NWD2: variants seen among roughly 807,000 people sequenced by gnomAD.
NWD2 encodes the protein NACHT and WD repeat domain containing 2, also known as NACHT and WD repeat domain-containing protein 2.
A neutral mutation model predicts 132.7 loss-of-function variants in NWD2; 37 were observed. The ratio of observed to expected loss-of-function variants is 0.28; its 90% CI spans 0.21 to 0.37. NWD2 has a LOEUF of 0.37. NWD2 is among the 10% of genes least tolerant of loss of function. The pLI, the probability that NWD2 is intolerant of heterozygous loss-of-function variation, is 1.00. For synonymous variants in NWD2, 705 were observed against 803.0 expected (o/e 0.88, Z 2.06); for missense variants, 1,592 against 2,122.4 (o/e 0.75, Z 4.91).
intron 1 of NWD2, among the ~76,000 whole-genome samples, chr4:37,245,463 A>C (rs1717219381): frequency 6.6e-6 from 1 of 151,618 alleles, no homozygotes; most frequent in Non-Finnish European, 1.5e-5. Context: ...CCCCTGGGTC[A>C]ATCCAAGAAA....
chr4:37,306,923 C>G (rs1718721000), intron 1 of NWD2, among the ~76,000 whole-genome samples: 1 of 151,734 alleles, frequency 6.6e-6, no homozygotes, highest in African/African-American at 2.4e-5. Context: ...ACTCGGAAGG[C>G]TGAGGCAGGA....
chr4:37,389,084 C>A (rs1720631557), intron 3 of NWD2, among the ~76,000 whole-genome samples: 1 of 152,126 alleles, frequency 6.6e-6, no homozygotes. Flanking sequence ...TCAAGAAACA[C>A]CCCTCTGAGA....
In NWD2 at chr4:37,276,175, G is replaced by A. The variant is rs191725297; in HGVS notation, c.151+30957G>A. The stretch of plus-strand genomic sequence containing the variant: ...GAGTGAACAGGCAACCTACAGAATG[G>A]GAGAAAATTTTTGCAATCTACTCAT... On this transcript the variant is annotated intron_variant, in intron 1 of 6. Coordinates refer to ENST00000309447, the MANE Select transcript of NWD2 (RefSeq NM_001144990.2). Among the ~76,000 whole-genome samples the A allele has an allele frequency of 4.6e-3, 701 of 152,178 alleles. 1 individual carries two copies. The highest frequency in any genetic ancestry group is 6.5e-3 in the Non-Finnish European group (442 of 68,008).
At chr4:37,293,224 T>C (rs953486930) in intron 1 of NWD2, among the ~76,000 whole-genome samples, 7 of 152,162 alleles carry the variant, frequency 4.6e-5, no homozygotes, top group African/African-American at 1.7e-4. Context: ...ACTTTCTCTT[T>C]CTCCATTAAA....
At position 37,444,180 on chromosome 4, in the gene NWD2, T is replaced by G; in HGVS notation, c.2192T>G (p.Val731Gly). The change falls in exon 7 of 7, where the codon GTC becomes GGC. Residue 731 changes from valine to glycine, a missense_variant. Around this residue, in one of 7 missense-constraint regions of NWD2, gnomAD observed 1,071 missense variants for 1,398.0 expected, o/e 0.77. Coordinates refer to ENST00000309447, the MANE Select transcript of NWD2 (RefSeq NM_001144990.2). The surrounding 1 kb of genome is among the most constrained non-coding windows in gnomAD (Gnocchi z 4.8). ...CATGTGAAAAATGTCACACTCCTAG[T>G]CTGGGCCAACAGACACCTGCAGCTC... ...ERHVKNVTLLVWANRHLQLIA... is the reference protein window; with the variant it reads ...ERHVKNVTLLGWANRHLQLIA... 6.4e-7 allele frequency: 1 copy of G among 1,551,670 alleles called. No individual in the cohort carries two copies. Among genetic ancestry groups the G allele is most frequent in the Non-Finnish European group, 8.7e-7 (1 of 1,146,978 alleles).
In NWD2 at chr4:37,448,946, G is replaced by A. The variant is rs929089258; in HGVS notation, c.*1729G>A. 6.6e-6 allele frequency: 1 copy of A among 152,192 alleles called. No individual in the cohort carries two copies. The highest frequency in any genetic ancestry group is 1.5e-5 in the Non-Finnish European group (1 of 68,030). The allele number at this position is 152,192 out of a possible 1,614,324, so 9.4% of individuals were successfully genotyped here. Reference sequence around the variant, plus strand: ...TTAACATGTAAGCGTTCAAAGATGTGATTCAGATAAAAATACCCAGGTCCA... The same window carrying A: ...TTAACATGTAAGCGTTCAAAGATGTAATTCAGATAAAAATACCCAGGTCCA... On this transcript the variant is annotated 3_prime_UTR_variant, in exon 7 of 7. Coordinates refer to ENST00000309447, the MANE Select transcript of NWD2 (RefSeq NM_001144990.2).
chr4:37,280,691 A>G (rs1718109690), intron 1 of NWD2, among the ~76,000 whole-genome samples: 1 of 152,158 alleles, frequency 6.6e-6, no homozygotes, highest in African/African-American at 2.4e-5. Context: ...GGGGACTGTC[A>G]GCAAAGCCCT....
chr4:37,340,542 G>T (rs1409823958), intron 2 of NWD2, among the ~76,000 whole-genome samples: 1 of 152,180 alleles, frequency 6.6e-6, no homozygotes, highest in Admixed American at 6.5e-5. Context: ...GACCAGGGTG[G>T]TGCTTGCAGC....
At position 37,380,944 on chromosome 4, in the gene NWD2, G is replaced by A. The variant is rs542040141; in HGVS notation, c.357+24462G>A. ...CTCTTCTTTCTCCTGCTTAAATTCA[G>A]AACCAGTTGAAAGGTGGTTGCAGGA... On this transcript the variant is annotated intron_variant, in intron 3 of 6. Coordinates refer to ENST00000309447, the MANE Select transcript of NWD2 (RefSeq NM_001144990.2). Among the ~76,000 whole-genome samples, 11 of 152,284 alleles carry A rather than the reference G, an allele frequency of 7.2e-5. 1 individual carries two copies. The East Asian group carries it at 2.1e-3, about 29-fold the overall frequency.
At chr4:37,423,386 G>T (rs943705592) in intron 3 of NWD2, among the ~76,000 whole-genome samples, 3 of 152,090 alleles carry the variant, frequency 2.0e-5, no homozygotes, top group African/African-American at 7.2e-5. Context: ...ATATATAGAT[G>T]ACTTATTATA....
At chr4:37,389,062 A>G (rs1005181062) in intron 3 of NWD2, among the ~76,000 whole-genome samples, 3 of 152,232 alleles carry the variant, frequency 2.0e-5, no homozygotes, top group Non-Finnish European at 4.4e-5. Context: ...CTGGGGCTGC[A>G]ATGACAGATG....
intron 5 of NWD2, among the ~76,000 whole-genome samples, chr4:37,436,672 G>A (rs951877384): frequency 5.9e-5 from 9 of 152,022 alleles, no homozygotes; most frequent in African/African-American, 1.9e-4. Flanking sequence ...CAGTTTGACC[G>A]CTTCCTTTCT....
chr4:37,319,039 T>G (rs191526775), intron 1 of NWD2, among the ~76,000 whole-genome samples: 65 of 152,362 alleles, frequency 4.3e-4, no homozygotes, highest in African/African-American at 1.4e-3. Flanking sequence ...TTTTACATTT[T>G]TTGAGAAATC....
At chr4:37,288,875 G>C (rs891920118) in intron 1 of NWD2, among the ~76,000 whole-genome samples, 2 of 152,038 alleles carry the variant, frequency 1.3e-5, no homozygotes, top group African/African-American at 4.8e-5. Flanking sequence ...TAATGGAATG[G>C]ACATGATTAT....
chr4:37,298,440 G>C (rs1284371377), intron 1 of NWD2, among the ~76,000 whole-genome samples: 2 of 152,112 alleles, frequency 1.3e-5, no homozygotes, highest in Non-Finnish European at 2.9e-5. Flanking sequence ...ACCTAGGTGC[G>C]AGAGCCAGGC....
chr4:37,404,230 A>G (rs755081089), intron 3 of NWD2, among the ~76,000 whole-genome samples: 1 of 152,228 alleles, frequency 6.6e-6, no homozygotes, highest in Non-Finnish European at 1.5e-5. Context: ...AACAGTATCT[A>G]ACTTACAATG....
chr4:37,270,569 C>A (rs1204652082), intron 1 of NWD2, among the ~76,000 whole-genome samples: 1 of 151,596 alleles, frequency 6.6e-6, no homozygotes, highest in East Asian at 1.9e-4. Flanking sequence ...ACTGAAACAT[C>A]CAGATATTCA....
intron 1 of NWD2, among the ~76,000 whole-genome samples, chr4:37,306,270 C>A (rs1437543520): frequency 6.6e-6 from 1 of 151,906 alleles, no homozygotes; most frequent in African/African-American, 2.4e-5. Context: ...TTATCTTTTC[C>A]AAAAACCAAC....
At chr4:37,399,745 T>A (rs1720866025) in intron 3 of NWD2, among the ~76,000 whole-genome samples, 1 of 152,240 alleles carries the variant, frequency 6.6e-6, no homozygotes, top group Non-Finnish European at 1.5e-5. Flanking sequence ...TCTATGCTTT[T>A]ACTTGGGATT....
Sources: allele counts gnomAD v4.1 joint callset (sites outside exome capture counted in the v4.1 genomes callset), GRCh38; gene constraint gnomAD v4.1.1; regional missense constraint gnomAD v4.1.1; non-coding constraint Gnocchi (gnomAD v3.1); transcripts MANE v1.5; gene names NCBI Gene and HGNC (gene_info 2026-07-23, HGNC 2026-07-21).